The following PLCB1 variants were observed in gnomAD, a reference collection of about 807,000 sequenced individuals.
PLCB1 encodes 1-phosphatidylinositol 4,5-bisphosphate phosphodiesterase beta-1.
In PLCB1, 46 loss-of-function variants were observed where a neutral mutation model predicts 161.8. That is an observed-to-expected ratio of 0.28 (90% CI 0.22 to 0.36). The LOEUF (loss-of-function observed/expected upper bound fraction) is 0.36. Among genes scored for constraint, PLCB1 ranks in the 10% least tolerant of loss-of-function variants. PLCB1 has a pLI of 1.00. For synonymous variants in PLCB1, 517 were observed against 503.7 expected (o/e 1.03, Z -0.35); for missense variants, 1,016 against 1,472.5 (o/e 0.69, Z 5.07).
At position 8,821,557 on chromosome 20, in the gene PLCB1, A is replaced by T. The variant is rs558498857; in HGVS notation, c.3423+31296A>T. 3.0e-3 allele frequency among the ~76,000 whole-genome samples: 342 copies of T among 113,918 alleles called. 1 individual carries two copies. Among genetic ancestry groups the T allele is most frequent in the Non-Finnish European group, 5.0e-3 (275 of 55,540 alleles). 74.7% of individuals were successfully genotyped at this position (113,918 alleles called of 152,430 possible). On this transcript the variant is annotated intron_variant, in intron 31 of 31. Transcript: ENST00000338037. Reference sequence around the variant, plus strand: ...TATATATATATATATATATATATATATTTAAATGACACTTTTAAAAATGGA... The same window carrying T: ...TATATATATATATATATATATATATTTTTAAATGACACTTTTAAAAATGGA...
chr20:8,749,727 G>A (rs1309555139), intron 23 of PLCB1, among the ~76,000 whole-genome samples: 1 of 152,134 alleles, frequency 6.6e-6, no homozygotes, highest in Non-Finnish European at 1.5e-5. Context: ...CCCTTTGATA[G>A]CCTGCTGAGT....
At chr20:8,720,643 TC>T (rs1259869880) in intron 14 of PLCB1, among the ~76,000 whole-genome samples, 2 of 152,040 alleles carry the variant, frequency 1.3e-5, no homozygotes, top group African/African-American at 2.4e-5. Flanking sequence ...TCCCCCAACA[TC>T]CCTCCAAAGA....
At position 8,289,973 on chromosome 20, in the gene PLCB1, A is replaced by G. The variant is rs546953753; in HGVS notation, c.178-81409A>G. On this transcript the variant is annotated intron_variant, in intron 2 of 31. Transcript: ENST00000338037. ...ATCTTTTGTAATATTTCAACATTTA[A>G]TATAAAACAGCAGGCAACTGGAGAT... 3.9e-5 allele frequency among the ~76,000 whole-genome samples: 6 copies of G among 152,310 alleles called. No homozygotes were observed. The East Asian group carries it at 5.8e-4, about 15-fold the overall frequency.
intron 2 of PLCB1, among the ~76,000 whole-genome samples, chr20:8,330,933 A>C (rs531684255): frequency 5.3e-5 from 8 of 152,378 alleles, no homozygotes; most frequent in South Asian, 4.1e-4. Context: ...TACAGTGTAC[A>C]TTGCACATTT....
At chr20:8,207,791 G>A (rs1318895332) in intron 2 of PLCB1, among the ~76,000 whole-genome samples, 1 of 152,036 alleles carries the variant, frequency 6.6e-6, no homozygotes, top group Non-Finnish European at 1.5e-5. Context: ...CTGTTGTCCA[G>A]GCTGATCTCA....
intron 9 of PLCB1, among the ~76,000 whole-genome samples, chr20:8,677,012 C>T (rs1990097110): frequency 1.3e-5 from 2 of 151,922 alleles, no homozygotes; most frequent in Middle Eastern, 3.4e-3. Context: ...ACAAAGCACT[C>T]CAAAAAAAGG....
intron 3 of PLCB1, among the ~76,000 whole-genome samples, chr20:8,442,582 A>AT (rs1362887767): frequency 5.9e-5 from 9 of 152,130 alleles, no homozygotes; most frequent in Admixed American, 1.3e-4. Flanking sequence ...AGAAGGTCCC[A>AT]TTTTTTCTTA....
At position 8,390,554 on chromosome 20, in the gene PLCB1, A is replaced by G. The variant is rs183462641; in HGVS notation, c.246+19104A>G. Among the ~76,000 whole-genome samples the G allele has an allele frequency of 1.8e-3, 272 of 152,310 alleles. 3 individuals are homozygous for G. Among genetic ancestry groups the G allele is most frequent in the Non-Finnish European group, 3.2e-4 (22 of 68,028 alleles). On this transcript the variant is annotated intron_variant, in intron 3 of 31. Coordinates refer to ENST00000338037, the MANE Select transcript of PLCB1 (RefSeq NM_015192.4). The stretch of plus-strand genomic sequence containing the variant: ...GCTTCTTTATAAGGAGTAGCAGTGT[A>G]TGATTATTTTGCTGTTGGTTTAATA...
At chr20:8,149,522 G>GA (rs2051487505) in intron 1 of PLCB1, among the ~76,000 whole-genome samples, 2 of 152,046 alleles carry the variant, frequency 1.3e-5, no homozygotes, top group Non-Finnish European at 2.9e-5. Flanking sequence ...TGAAAAAATT[G>GA]AAAAAACTGG....
intron 31 of PLCB1, among the ~76,000 whole-genome samples, chr20:8,820,766 A>T (rs1179358838): frequency 6.6e-6 from 1 of 152,232 alleles, no homozygotes. Flanking sequence ...ATGTTAATAT[A>T]TTCCTACAAA....
intron 18 of PLCB1, among the ~76,000 whole-genome samples, chr20:8,730,170 G>A (rs1189739691): frequency 6.6e-6 from 1 of 151,904 alleles, no homozygotes; most frequent in Non-Finnish European, 1.5e-5. Context: ...GCTGATTAAT[G>A]TTTAATTAAA....
chr20:8,210,267 AT>A (rs1568591316), intron 2 of PLCB1, among the ~76,000 whole-genome samples: 1 of 152,120 alleles, frequency 6.6e-6, no homozygotes, highest in Admixed American at 6.6e-5. Flanking sequence ...ATAAATGTAC[AT>A]GCTGAAAATA....
intron 3 of PLCB1, among the ~76,000 whole-genome samples, chr20:8,484,145 C>T (rs1453883228): frequency 6.6e-6 from 1 of 152,316 alleles, no homozygotes; most frequent in East Asian, 1.9e-4. Context: ...TCTGCCTCAG[C>T]CTCCCGAGTA....
chr20:8,825,105 G>A (rs540028323), intron 31 of PLCB1, among the ~76,000 whole-genome samples: 5 of 152,248 alleles, frequency 3.3e-5, no homozygotes, highest in Admixed American at 3.3e-4. Flanking sequence ...TTTTTTGAAT[G>A]TATTCAATAT....
At chr20:8,720,858 T>TTA (rs1979588986) in intron 14 of PLCB1, among the ~76,000 whole-genome samples, 1 of 144,006 alleles carries the variant, frequency 6.9e-6, no homozygotes, top group African/African-American at 2.7e-5. Context: ...TTTTTTTTTT[T>TTA]AAAAAAAAAA....
chr20:8,738,078 A>T (rs1162138229), intron 20 of PLCB1, among the ~76,000 whole-genome samples: 1 of 152,248 alleles, frequency 6.6e-6, no homozygotes, highest in Non-Finnish European at 1.5e-5. Context: ...CATATTTTAG[A>T]TGTTTCACAC....
chr20:8,504,622 TC>T (rs1488548489), intron 3 of PLCB1, among the ~76,000 whole-genome samples: 2 of 152,098 alleles, frequency 1.3e-5, no homozygotes, highest in Non-Finnish European at 2.9e-5. Context: ...CTTCCCCTCC[TC>T]TTTCGCTTAT....
At chr20:8,596,555 T>C (rs1849202388) in intron 3 of PLCB1, among the ~76,000 whole-genome samples, 1 of 64,970 alleles carries the variant, frequency 1.5e-5, no homozygotes, top group African/African-American at 6.1e-5. Context: ...GCTTCGTTCT[T>C]TTGGCTTAGG....
At chr20:8,827,788 G>A (rs1487376479) in intron 31 of PLCB1, among the ~76,000 whole-genome samples, 10 of 152,178 alleles carry the variant, frequency 6.6e-5, no homozygotes, top group South Asian at 4.1e-4. Context: ...ATAATCAAAC[G>A]AAGAAGAATA....
Sources: allele counts gnomAD v4.1 joint callset (sites outside exome capture counted in the v4.1 genomes callset), GRCh38; gene constraint gnomAD v4.1.1; transcripts MANE v1.5; gene names NCBI Gene and HGNC (gene_info 2026-07-23, HGNC 2026-07-21).